The following SP3 variants were observed in gnomAD, a reference collection of about 807,000 sequenced individuals.
SP3 encodes the protein transcription factor Sp3.
In SP3, 10 loss-of-function variants were observed where a neutral mutation model predicts 70.3. The observed-to-expected ratio is 0.14, with a 90% CI of 0.09 to 0.24. SP3 has a LOEUF of 0.24. Among genes scored for constraint, SP3 ranks in the 10% least tolerant of loss-of-function variants. The pLI, the probability that SP3 is intolerant of heterozygous loss-of-function variation, is 1.00. For synonymous variants in SP3, 402 were observed against 333.5 expected (o/e 1.21, Z -2.24); for missense variants, 825 against 914.6 (o/e 0.90, Z 1.26).
intron 4 of SP3, among the ~76,000 whole-genome samples, chr2:173,952,997 T>C (rs186449239): frequency 6.6e-6 from 1 of 152,348 alleles, no homozygotes; most frequent in East Asian, 1.9e-4. Context: ...TCTATGACCA[T>C]AGTTACAACC....
rs1456616673 is a variant in SP3, at chr2:173,907,600, A to G, written c.*2341T>C. ...ATATGCATGGACACCTATCGATTCA[A>G]AGTACACCATAAACTTACTGTAAAA... On this transcript the variant is annotated 3_prime_UTR_variant, in exon 7 of 7. Transcript: ENST00000310015. 1 of 152,094 alleles carries G rather than the reference A, an allele frequency of 6.6e-6. No individual in the cohort carries two copies. The highest frequency in any genetic ancestry group is 2.4e-5 in the African/African-American group (1 of 41,426). 9.4% of individuals were successfully genotyped at this position (152,094 alleles called of 1,614,324 possible).
At position 173,908,160 on chromosome 2, in the gene SP3, T is replaced by C. The variant is rs1341062151; in HGVS notation, c.*1781A>G. The C allele has an allele frequency of 1.3e-5, 2 of 152,148 alleles. No individual in the cohort carries two copies. The highest frequency in any genetic ancestry group is 4.8e-5 in the African/African-American group (2 of 41,468). 9.4% of individuals were successfully genotyped at this position (152,148 alleles called of 1,614,324 possible). ...CTCCTGCCATGGTTACCAACGCTTG[T>C]CTTATCATTTTCAGGAGTCTTAATG... On this transcript the variant is annotated 3_prime_UTR_variant, in exon 7 of 7. Coordinates refer to ENST00000310015, the MANE Select transcript of SP3 (RefSeq NM_003111.5).
At chr2:173,913,302 G>GA in intron 5 of SP3, 36 bp from the exon 6 acceptor site, 1 of 1,369,380 alleles carries the variant, frequency 7.3e-7, no homozygotes, top group Non-Finnish European at 9.7e-7. Context: ...ATACTTATAT[G>GA]AAAATATTCA....
intron 4 of SP3, among the ~76,000 whole-genome samples, chr2:173,934,943 T>C (rs1472631891): frequency 1.3e-5 from 2 of 152,160 alleles, no homozygotes. Context: ...TTAAATACTT[T>C]AAGTGGTAGA....
chr2:173,947,388 T>C (rs1016692312), intron 4 of SP3, among the ~76,000 whole-genome samples: 3 of 152,150 alleles, frequency 2.0e-5, no homozygotes, highest in Admixed American at 6.5e-5. Context: ...AAAGGTTGTC[T>C]TTTTTCTCCC....
chr2:173,955,675 G>C lies in SP3; in HGVS notation c.837C>G (p.Leu279=). 1.2e-6 allele frequency: 2 copies of C among 1,614,208 alleles called. No individual in the cohort carries two copies. The highest frequency in any genetic ancestry group is 1.7e-4 in the Middle Eastern group (1 of 6,060). Residue 279 remains leucine, a synonymous_variant, in exon 4 of 7, where the codon CTC becomes CTG. Coordinates refer to ENST00000310015, the MANE Select transcript of SP3 (RefSeq NM_003111.5). Reference sequence around the variant, plus strand: ...CAGTCATTGTCTGAGAACTGCCCGAGAGTCCCAAAGAATCTAGATCGACAC... The same window carrying C: ...CAGTCATTGTCTGAGAACTGCCCGACAGTCCCAAAGAATCTAGATCGACAC... ...INSVDLDSLG[L]SGSSQTMTAG...
Position 173,955,970 on chromosome 2 carries a change from C to T in SP3, c.542G>A (p.Gly181Asp). 6.2e-7 allele frequency: 1 copy of T among 1,614,194 alleles called. No individual in the cohort carries two copies. The highest frequency in any genetic ancestry group is 8.5e-7 in the Non-Finnish European group (1 of 1,180,022). The change falls in exon 4 of 7, where the codon GGT (glycine) becomes GAT (aspartate). Residue 181 changes from glycine to aspartate, a missense_variant. Gly to Asp is a moderately conservative substitution (Grantham distance 94). Transcript: ENST00000310015. ...QVIPQIQSAD[G>D]QQVQIGFTGS... The stretch of plus-strand genomic sequence containing the variant: ...TGTGAAACCAATTTGAACCTGCTGA[C>T]CATCTGCTGACTGGATCTGTGGTAT...
chr2:173,961,189 T>C (rs1044302274), intron 3 of SP3, among the ~76,000 whole-genome samples: 7 of 152,192 alleles, frequency 4.6e-5, no homozygotes, highest in African/African-American at 1.7e-4. Context: ...TCAGAGTCCA[T>C]GTTGTACGAC....
intron 4 of SP3, among the ~76,000 whole-genome samples, chr2:173,938,459 C>CAAAAAAAAAA (rs747595137): frequency 2.2e-5 from 1 of 46,378 alleles, no homozygotes; most frequent in Non-Finnish European, 4.2e-5. Flanking sequence ...AACTTTGCCT[C>CAAAAAAAAAA]AAAAAAAAAA....
chr2:173,913,367 CATT>C (rs1689541563), intron 5 of SP3, 101 bp from the exon 6 acceptor site: 6 of 872,006 alleles, frequency 6.9e-6, no homozygotes, highest in Non-Finnish European at 9.4e-6. Context: ...AAATAGAAGA[CATT>C]ATCATTACAA....
At chr2:173,934,023 G>A (rs1649398241) in intron 4 of SP3, among the ~76,000 whole-genome samples, 1 of 151,900 alleles carries the variant, frequency 6.6e-6, no homozygotes, top group Admixed American at 6.6e-5. Context: ...CTTGAGCCCA[G>A]GTGTTCAAGA....
rs1357252674 is a variant in SP3, at chr2:173,961,950, T to TG, written c.279+1810_279+1811insC. On this transcript the variant is annotated intron_variant, in intron 3 of 6. Transcript: ENST00000310015. Reference sequence around the variant, plus strand: ...TATGGTTTGGGTTTTTTTTTTTTTTTTTTTTTTTTTAGGCAAAACTATTTT... The same window carrying TG: ...TATGGTTTGGGTTTTTTTTTTTTTTTGTTTTTTTTTTAGGCAAAACTATTTT... 3.2e-4 allele frequency among the ~76,000 whole-genome samples: 49 copies of TG among 151,294 alleles called. 1 individual carries two copies. The highest frequency in any genetic ancestry group is 1.1e-3 in the African/African-American group (47 of 41,374).
chr2:173,907,894 A>T lies in SP3; in HGVS notation c.*2047T>A, dbSNP rs1689374353. ...ACAGGCTTAAGTCTCACATTTAGAA[A>T]AACTGTCCATGTTTATGCGTGTCTA... On this transcript the variant is annotated 3_prime_UTR_variant, in exon 7 of 7. Coordinates refer to ENST00000310015, the MANE Select transcript of SP3 (RefSeq NM_003111.5). 1 of 152,272 alleles carries T rather than the reference A, an allele frequency of 6.6e-6. No individual in the cohort carries two copies. Among genetic ancestry groups the T allele is most frequent in the African/African-American group, 2.4e-5 (1 of 41,584 alleles). The allele number at this position is 152,272 out of a possible 1,614,324, so 9.4% of individuals were successfully genotyped here.
chr2:173,960,689 G>C (rs941489785), intron 3 of SP3, among the ~76,000 whole-genome samples: 5 of 152,092 alleles, frequency 3.3e-5, no homozygotes, highest in Admixed American at 3.3e-4. Context: ...ACTTATTTTA[G>C]GCCAGGCGCA....
rs1195266149 is a variant in SP3 at position 173,903,282 on chromosome 2, GAAGATGACGCTAGCATC to G, written c.*6642_*6658del. On this transcript the variant is annotated 3_prime_UTR_variant, in exon 7 of 7. Transcript: ENST00000310015. ...TTATTTATCTCCATAATCACTCTAT[GAAGATGACGCTAGCATC>G]ATTCTCATTTTATAGTTAGAGAACA... 2.0e-5 allele frequency among the ~76,000 whole-genome samples: 3 copies of G among 152,200 alleles called. No individual in the cohort carries two copies. Among genetic ancestry groups the G allele is most frequent in the Non-Finnish European group, 4.4e-5 (3 of 68,032 alleles).
At chr2:173,960,977 A>AAAAAAT (rs569167562) in intron 3 of SP3, among the ~76,000 whole-genome samples, 2 of 152,194 alleles carry the variant, frequency 1.3e-5, no homozygotes, top group South Asian at 2.1e-4. Flanking sequence ...CTCTGTCTCA[A>AAAAAAT]AAAAATAAAA....
At chr2:173,936,856 A>G (rs1690222439) in intron 4 of SP3, among the ~76,000 whole-genome samples, 2 of 151,422 alleles carry the variant, frequency 1.3e-5, no homozygotes, top group Admixed American at 1.3e-4. Flanking sequence ...CTCTACCTAT[A>G]CAAATCTAGA....
intron 4 of SP3, among the ~76,000 whole-genome samples, chr2:173,918,988 C>G (rs999926978): frequency 5.3e-5 from 8 of 152,074 alleles, no homozygotes; most frequent in African/African-American, 1.9e-4. Context: ...TGTATAAATG[C>G]TTATAGTAGA....
chr2:173,945,350 A>G (rs1169496618), intron 4 of SP3, among the ~76,000 whole-genome samples: 3 of 152,182 alleles, frequency 2.0e-5, no homozygotes, highest in Non-Finnish European at 4.4e-5. Flanking sequence ...TAAATTCAAA[A>G]ACTACACCTC....
Sources: allele counts gnomAD v4.1 joint callset (sites outside exome capture counted in the v4.1 genomes callset), GRCh38; gene constraint gnomAD v4.1.1; transcripts MANE v1.5; gene names NCBI Gene and HGNC (gene_info 2026-07-23, HGNC 2026-07-21).